The following SPTBN1 variants were observed in gnomAD, a reference collection of about 807,000 sequenced individuals.
SPTBN1 encodes spectrin beta, non-erythrocytic 1.
A neutral mutation model predicts 266.4 loss-of-function variants in SPTBN1; 32 were observed. The ratio of observed to expected loss-of-function variants is 0.12; its 90% CI spans 0.09 to 0.16. SPTBN1 has a LOEUF of 0.16. Ranked by LOEUF, SPTBN1 falls within the 10% of genes least tolerant of loss-of-function variation. The pLI is 1.00. For synonymous variants in SPTBN1, 1,336 were observed against 1,162.2 expected (o/e 1.15, Z -3.04); for missense variants, 2,296 against 3,067.1 (o/e 0.75, Z 5.94).
intron 2 of SPTBN1, among the ~76,000 whole-genome samples, chr2:54,567,235 G>A (rs1229661459): frequency 6.6e-6 from 1 of 152,188 alleles, no homozygotes; most frequent in African/African-American, 2.4e-5. Flanking sequence ...GTGAGGATGG[G>A]GTGGTAGGAA....
chr2:54,485,480 C>T (rs1432957484), intron 1 of SPTBN1, among the ~76,000 whole-genome samples: 5 of 152,226 alleles, frequency 3.3e-5, no homozygotes, highest in South Asian at 2.1e-4. Context: ...GACGGAGTCT[C>T]GTTCACTCAG....
chr2:54,472,886 C>T lies in SPTBN1; in HGVS notation c.-48+16368C>T, dbSNP rs1043510705. On this transcript the variant is annotated intron_variant, in intron 1 of 35. Coordinates refer to ENST00000356805, the MANE Select transcript of SPTBN1 (RefSeq NM_003128.3). ...TTACATGTTAAATAGTAGATGGAAACAGTGAGTTAACTTTATTTTGAGAGG... is the reference window on the plus strand; with the variant it reads ...TTACATGTTAAATAGTAGATGGAAATAGTGAGTTAACTTTATTTTGAGAGG... 3.9e-5 allele frequency among the ~76,000 whole-genome samples: 6 copies of T among 152,144 alleles called. No homozygotes were observed. In the East Asian group the frequency reaches 9.6e-4, roughly 24 times the overall value.
At chr2:54,502,100 T>G (rs1156809237) in intron 1 of SPTBN1, among the ~76,000 whole-genome samples, 1 of 152,152 alleles carries the variant, frequency 6.6e-6, no homozygotes, top group African/African-American at 2.4e-5. Context: ...AGGATGTCAG[T>G]CAAATAATTC....
At chr2:54,460,487 T>C (rs533071845) in intron 1 of SPTBN1, among the ~76,000 whole-genome samples, 1 of 152,262 alleles carries the variant, frequency 6.6e-6, no homozygotes, top group East Asian at 1.9e-4. Context: ...CTTTTTCCCC[T>C]CTGGAAGAAA....
At position 54,645,736 on chromosome 2, in the gene SPTBN1, G is replaced by A. The variant is rs1443024093; in HGVS notation, c.4495-192G>A. On this transcript the variant is annotated intron_variant, in intron 21 of 35. Coordinates refer to ENST00000356805, the MANE Select transcript of SPTBN1 (RefSeq NM_003128.3). The surrounding 1 kb of genome is among the most constrained non-coding windows in gnomAD (Gnocchi z 4.3). ...ACAGTGAGTTTGACCTTGAGGATGAGGTAGAGTTGGAAAGACTCTCCCTAG... is the reference window on the plus strand; with the variant it reads ...ACAGTGAGTTTGACCTTGAGGATGAAGTAGAGTTGGAAAGACTCTCCCTAG... 4.6e-5 allele frequency among the ~76,000 whole-genome samples: 7 copies of A among 152,164 alleles called. No individual in the cohort carries two copies. Among genetic ancestry groups the A allele is most frequent in the African/African-American group, 1.7e-4 (7 of 41,428 alleles).
chr2:54,518,010 A>C (rs1455435067), intron 1 of SPTBN1, among the ~76,000 whole-genome samples: 1 of 151,904 alleles, frequency 6.6e-6, no homozygotes, highest in South Asian at 2.1e-4. Context: ...GATTGTTTTA[A>C]AAGTGAAGGC....
At chr2:54,460,715 A>G (rs769670741) in intron 1 of SPTBN1, among the ~76,000 whole-genome samples, 6 of 152,188 alleles carry the variant, frequency 3.9e-5, no homozygotes, top group Non-Finnish European at 7.3e-5. Context: ...AGAATCGTAA[A>G]CCAGCTGGGT....
chr2:54,553,440 A>G (rs1476773481), intron 2 of SPTBN1, among the ~76,000 whole-genome samples: 1 of 152,190 alleles, frequency 6.6e-6, no homozygotes, highest in East Asian at 1.9e-4. Flanking sequence ...ATGCAGTGGC[A>G]TGGTTTGGAG....
chr2:54,626,751 C>G lies in SPTBN1; in HGVS notation c.1644+517C>G, dbSNP rs993935693. ...GGTCTTTAAATGGAGATTGTACTTA[C>G]TATCTACCTCATCCAATTATTGCAA... On this transcript the variant is annotated intron_variant, in intron 12 of 35. Coordinates refer to ENST00000356805, the MANE Select transcript of SPTBN1 (RefSeq NM_003128.3). The surrounding 1 kb of genome is among the most constrained non-coding windows in gnomAD (Gnocchi z 4.7). Among the ~76,000 whole-genome samples, 1 of 152,200 alleles carries G rather than the reference C, an allele frequency of 6.6e-6. No homozygotes were observed. The highest frequency in any genetic ancestry group is 2.4e-5 in the African/African-American group (1 of 41,444).
intron 9 of SPTBN1, 46 bp from the exon 10 acceptor site, chr2:54,623,433 A>ATT: frequency 6.5e-7 from 1 of 1,535,772 alleles, no homozygotes; most frequent in Non-Finnish European, 9.0e-7. Context: ...ACAGTGTGAA[A>ATT]TTTTTTTTTC....
chr2:54,640,786 A>T (rs571271746), intron 18 of SPTBN1, among the ~76,000 whole-genome samples: 4 of 152,318 alleles, frequency 2.6e-5, no homozygotes, highest in African/African-American at 9.6e-5. Context: ...TCCTGGCCTC[A>T]AGTGACCCAC....
At chr2:54,575,305 C>A (rs1174333371) in intron 2 of SPTBN1, among the ~76,000 whole-genome samples, 4 of 152,194 alleles carry the variant, frequency 2.6e-5, no homozygotes, top group South Asian at 2.1e-4. Context: ...ATATCAATTT[C>A]TTTTTATTTT....
chr2:54,490,319 G>A lies in SPTBN1; in HGVS notation c.-48+33801G>A, dbSNP rs558378027. Among the ~76,000 whole-genome samples the A allele has an allele frequency of 1.5e-3, 234 of 152,202 alleles. 2 individuals carry two copies. Among genetic ancestry groups the A allele is most frequent in the African/African-American group, 5.0e-3 (207 of 41,520 alleles). On this transcript the variant is annotated intron_variant, in intron 1 of 35. Coordinates refer to ENST00000356805, the MANE Select transcript of SPTBN1 (RefSeq NM_003128.3). ...ACTCCTGACCTCAGGTGATCCGCTCGCTTCGACCTCCCAAAGTGCTAGGAG... is the reference window on the plus strand; with the variant it reads ...ACTCCTGACCTCAGGTGATCCGCTCACTTCGACCTCCCAAAGTGCTAGGAG...
chr2:54,626,432 T>G lies in SPTBN1; in HGVS notation c.1644+198T>G, dbSNP rs1678336566. 6.6e-6 allele frequency among the ~76,000 whole-genome samples: 1 copy of G among 152,248 alleles called. No homozygotes were observed. Among genetic ancestry groups the G allele is most frequent in the African/African-American group, 2.4e-5 (1 of 41,474 alleles). ...TGAGACGTGAAGTGTGAAAAAGTTG[T>G]AGAGACCAGTTCAGTAGCCAGAGCT... On this transcript the variant is annotated intron_variant, in intron 12 of 35. Coordinates refer to ENST00000356805, the MANE Select transcript of SPTBN1 (RefSeq NM_003128.3). This position sits in a 1 kb window ranked among gnomAD's most constrained non-coding sequence, Gnocchi z 4.7.
chr2:54,530,254 T>C (rs1222862056), intron 2 of SPTBN1, among the ~76,000 whole-genome samples: 1 of 152,000 alleles, frequency 6.6e-6, no homozygotes, highest in Non-Finnish European at 1.5e-5. Context: ...TCAGGGTTTA[T>C]GTATCTAAGG....
rs779767070 is a variant in SPTBN1, at chr2:54,612,277, G to A, written c.417G>A (p.Val139=). The A allele has an allele frequency of 6.2e-7, 1 of 1,614,028 alleles. No individual in the cohort carries two copies. The highest frequency in any genetic ancestry group is 1.7e-5 in the Admixed American group (1 of 60,016). The change falls in exon 4 of 36, where the codon GTG becomes GTA. Residue 139 remains valine (V), a synonymous_variant. Coordinates refer to ENST00000356805, the MANE Select transcript of SPTBN1 (RefSeq NM_003128.3). ...AGAACATGGGGTCCCATGACATCGT[G>A]GATGGAAACCACCGGCTGACCCTTG... is the stretch of plus-strand genomic sequence containing the variant. ...HLENMGSHDI[V]DGNHRLTLGL...
chr2:54,596,003 G>A (rs1573493881), intron 2 of SPTBN1, among the ~76,000 whole-genome samples: 2 of 84,586 alleles, frequency 2.4e-5, no homozygotes. Context: ...CTACCTTTTT[G>A]TACCTTTTTG....
chr2:54,653,728 C>G lies in SPTBN1; in HGVS notation c.5697C>G (p.Ala1899=). ...VLEAWKSLLD[A]CESRRVRLVD... is the part of the protein sequence containing the mutation. Reference sequence around the variant, plus strand: ...AAGCCTGGAAGTCCCTCCTGGACGCCTGTGAGAGCCGCAGGGTGCGGCTGG... The same window carrying G: ...AAGCCTGGAAGTCCCTCCTGGACGCGTGTGAGAGCCGCAGGGTGCGGCTGG... Residue 1899 remains alanine (A), a synonymous_variant, in exon 27 of 36, where the codon GCC becomes GCG. Transcript: ENST00000356805. The surrounding 1 kb of genome is among the most constrained non-coding windows in gnomAD (Gnocchi z 5.1). 6.2e-7 allele frequency: 1 copy of G among 1,614,226 alleles called. No homozygotes were observed. Among genetic ancestry groups the G allele is most frequent in the Non-Finnish European group, 8.5e-7 (1 of 1,180,026 alleles).
At chr2:54,601,369 G>T (rs142669847) in intron 3 of SPTBN1, among the ~76,000 whole-genome samples, 59 of 152,272 alleles carry the variant, frequency 3.9e-4, no homozygotes, top group African/African-American at 1.3e-3. Flanking sequence ...TGGCCTCGTA[G>T]TCTGTTTGGT....
Sources: gnomAD v4.1 joint callset for allele counts (sites outside exome capture counted in the v4.1 genomes callset) on GRCh38, gnomAD v4.1.1 for gene constraint, Gnocchi (gnomAD v3.1) non-coding constraint, MANE v1.5 for transcripts, NCBI Gene and HGNC (gene_info 2026-07-23, HGNC 2026-07-21) for gene names.